The following GALNT13 variants were observed in gnomAD, a reference collection of about 807,000 sequenced individuals.
The protein encoded by GALNT13 is UDP-GalNAc:polypeptide N-acetylgalactosaminyltransferase 13.
In GALNT13, 28 loss-of-function variants were observed where a neutral mutation model predicts 64.2. That is an observed-to-expected ratio of 0.44 (90% CI 0.32 to 0.60). The LOEUF (loss-of-function observed/expected upper bound fraction) is 0.60. Ranked by LOEUF, GALNT13 falls within the 20% of genes least tolerant of loss-of-function variation. The pLI is 0.05. For missense variants in GALNT13, 577 were observed against 669.8 expected, an observed-to-expected ratio of 0.86 and a Z score of 1.53; for synonymous variants, 214 against 224.6, an observed-to-expected ratio of 0.95 and a Z score of 0.42.
intron 3 of GALNT13, among the ~76,000 whole-genome samples, chr2:154,035,796 G>T (rs1035858070): frequency 1.3e-5 from 2 of 151,846 alleles, no homozygotes; most frequent in Non-Finnish European, 2.9e-5. Flanking sequence ...GGAAAATCTA[G>T]AATAAATATG....
intron 4 of GALNT13, among the ~76,000 whole-genome samples, chr2:154,213,112 A>G (rs1476211137): frequency 2.6e-5 from 4 of 152,024 alleles, no homozygotes; most frequent in Non-Finnish European, 4.4e-5. Context: ...TCATTTGTCC[A>G]TTTGTTTTTG....
At chr2:153,618,696 C>T in the GALNT13 span, among the ~76,000 whole-genome samples, 26 of 151,900 alleles carry the variant, frequency 1.7e-4, no homozygotes, top group Admixed American at 1.3e-3. Context: ...TAGCTAAGTG[C>T]TCCAGTGTTG....
intron 4 of GALNT13, among the ~76,000 whole-genome samples, chr2:154,219,176 A>T (rs1688198027): frequency 6.6e-6 from 1 of 152,122 alleles, no homozygotes; most frequent in Non-Finnish European, 1.5e-5. Context: ...TTTTAATAAT[A>T]TTAGCTAACA....
chr2:153,758,728 G>T, the GALNT13 span, among the ~76,000 whole-genome samples: 1 of 152,076 alleles, frequency 6.6e-6, no homozygotes, highest in Non-Finnish European at 1.5e-5. Context: ...AGGTAGCTGG[G>T]ATTACAGGCC....
chr2:153,955,590 G>A (rs1407236738), intron 3 of GALNT13, among the ~76,000 whole-genome samples: 1 of 152,156 alleles, frequency 6.6e-6, no homozygotes, highest in African/African-American at 2.4e-5. Flanking sequence ...TTTTAACCTT[G>A]TTCTTTACGA....
the GALNT13 span, among the ~76,000 whole-genome samples, chr2:153,729,933 T>TA: frequency 6.6e-6 from 1 of 150,542 alleles, no homozygotes; most frequent in Non-Finnish European, 1.5e-5. Flanking sequence ...AACGAAATTA[T>TA]AGATGACACA....
the GALNT13 span, among the ~76,000 whole-genome samples, chr2:153,578,583 AAAGGCACAAAGCCAG>A: frequency 6.6e-6 from 1 of 152,228 alleles, no homozygotes; most frequent in East Asian, 1.9e-4. Flanking sequence ...CGTAAGATCT[AAAGGCACAAAGCCAG>A]TAGCTTTAGT....
chr2:154,019,463 T>G (rs1477881023), intron 3 of GALNT13, among the ~76,000 whole-genome samples: 2 of 151,898 alleles, frequency 1.3e-5, no homozygotes, highest in Non-Finnish European at 2.9e-5. Context: ...TGAAACCCCA[T>G]TTCTACTAAA....
the GALNT13 span, among the ~76,000 whole-genome samples, chr2:153,123,099 G>A: frequency 6.6e-6 from 1 of 152,012 alleles, no homozygotes; most frequent in Non-Finnish European, 1.5e-5. Flanking sequence ...GAAGACACAG[G>A]GATGAATGCC....
At chr2:154,094,631 T>C (rs1367702849) in intron 3 of GALNT13, among the ~76,000 whole-genome samples, 1 of 152,020 alleles carries the variant, frequency 6.6e-6, no homozygotes, top group Non-Finnish European at 1.5e-5. Flanking sequence ...TTTTGTCTCC[T>C]TCCAAACAAA....
chr2:153,798,550 T>C, the GALNT13 span, among the ~76,000 whole-genome samples: 1 of 152,166 alleles, frequency 6.6e-6, no homozygotes, highest in Non-Finnish European at 1.5e-5. Flanking sequence ...ATATGCAAAC[T>C]GGCAATTTTA....
intron 9 of GALNT13, among the ~76,000 whole-genome samples, chr2:154,381,850 C>T (rs1187150972): frequency 2.0e-5 from 3 of 152,108 alleles, no homozygotes; most frequent in East Asian, 1.9e-4. Context: ...AATCTTTTGG[C>T]AGCTGCTGCC....
chr2:153,219,586 T>C, the GALNT13 span, among the ~76,000 whole-genome samples: 2 of 152,252 alleles, frequency 1.3e-5, no homozygotes, highest in East Asian at 3.8e-4. Flanking sequence ...CTTCAGACTG[T>C]GTTGATATTT....
chr2:153,987,374 A>G (rs1336753430), intron 3 of GALNT13, among the ~76,000 whole-genome samples: 2 of 151,796 alleles, frequency 1.3e-5, no homozygotes, highest in Non-Finnish European at 1.5e-5. Context: ...CTTAAGGGAG[A>G]GGGGCCTTTA....
At chr2:153,344,890 C>T in the GALNT13 span, among the ~76,000 whole-genome samples, 1 of 152,122 alleles carries the variant, frequency 6.6e-6, no homozygotes, top group African/African-American at 2.4e-5. Context: ...ATTTCTCAAG[C>T]ATATCTCAAT....
the GALNT13 span, among the ~76,000 whole-genome samples, chr2:153,355,936 A>C: frequency 6.6e-6 from 1 of 152,330 alleles, no homozygotes; most frequent in South Asian, 2.1e-4. Context: ...AGAATGTAAA[A>C]GAATTAGAAT....
the GALNT13 span, chr2:153,478,453 T>G: frequency 6.2e-7 from 1 of 1,613,814 alleles, no homozygotes; most frequent in South Asian, 1.1e-5. Flanking sequence ...GAAGCCGTCG[T>G]CGGTCACCAC....
At chr2:153,404,037 C>G in the GALNT13 span, among the ~76,000 whole-genome samples, 1 of 152,198 alleles carries the variant, frequency 6.6e-6, no homozygotes. Flanking sequence ...CTACCAAACA[C>G]TGCAAATCTC....
intron 2 of GALNT13, among the ~76,000 whole-genome samples, chr2:153,920,922 G>A (rs1373771506): frequency 6.6e-6 from 1 of 152,152 alleles, no homozygotes; most frequent in Non-Finnish European, 1.5e-5. Flanking sequence ...AAACCACCAT[G>A]AGATACCATC....
Sources: allele counts gnomAD v4.1 joint callset (sites outside exome capture counted in the v4.1 genomes callset), GRCh38; gene constraint gnomAD v4.1.1; transcripts MANE v1.5; gene names NCBI Gene and HGNC (gene_info 2026-07-23, HGNC 2026-07-21).